Variants in PMS1 observed in about 807,000 individuals in gnomAD.
The protein encoded by PMS1 is PMS1 protein homolog 1.
Under a neutral mutation model 93.1 loss-of-function variants are expected in PMS1, and 79 were observed. The ratio of observed to expected loss-of-function variants is 0.85; its 90% CI spans 0.71 to 1.02. The LOEUF is 1.02. Among genes scored for constraint, PMS1 ranks in the 50% least tolerant of loss-of-function variants. The pLI, the probability that PMS1 is intolerant of heterozygous loss-of-function variation, is 0.00. For missense variants in PMS1, 1,064 were observed against 1,085.3 expected, an observed-to-expected ratio of 0.98 and a Z score of 0.28; for synonymous variants, 335 against 363.4, an observed-to-expected ratio of 0.92 and a Z score of 0.89.
In PMS1 at chr2:189,831,956, C is replaced by G. The variant is rs544236797; in HGVS notation, c.583-12008C>G. Among the ~76,000 whole-genome samples the G allele has an allele frequency of 3.3e-5, 5 of 152,124 alleles. No individual in the cohort carries two copies. In the South Asian group the frequency reaches 1.0e-3, roughly 32 times the overall value. On this transcript the variant is annotated intron_variant, in intron 5 of 12. Transcript: ENST00000441310. The stretch of plus-strand genomic sequence containing the variant: ...ATGTTGGCCAGGCTGGTCTCAAACT[C>G]CTGACCGCAAATGATCCTCCCGCCT...
At chr2:189,843,942 T>C in intron 5 of PMS1, 22 bp from the exon 6 acceptor site, 2 of 1,580,272 alleles carry the variant, frequency 1.3e-6, no homozygotes, top group Non-Finnish European at 8.7e-7. Context: ...TTAAAAGTTA[T>C]CTATATCATT....
intron 9 of PMS1, among the ~76,000 whole-genome samples, chr2:189,862,183 A>T (rs969638025): frequency 1.3e-5 from 2 of 152,144 alleles, no homozygotes; most frequent in African/African-American, 4.8e-5. Flanking sequence ...ACTTTTCTGT[A>T]AAAACAACAC....
chr2:189,856,222 A>G lies in PMS1; in HGVS notation c.1856+1094A>G, dbSNP rs5743140. Among the ~76,000 whole-genome samples the G allele has an allele frequency of 8.0e-3, 1,217 of 151,598 alleles. 11 individuals carry two copies. The highest frequency in any genetic ancestry group is 0.028 in the African/African-American group (1,148 of 41,344). On this transcript the variant is annotated intron_variant, in intron 9 of 12. Coordinates refer to ENST00000441310, the MANE Select transcript of PMS1 (RefSeq NM_000534.5). ...TTTGGAAATATCCACAAAAGTAGACATTTTGAAGTATAAAGCCATTACCCC... is the reference window on the plus strand; with the variant it reads ...TTTGGAAATATCCACAAAAGTAGACGTTTTGAAGTATAAAGCCATTACCCC...
chr2:189,857,394 A>G, intron 9 of PMS1: 1 of 446,786 alleles, frequency 2.2e-6, no homozygotes, highest in South Asian at 1.7e-5. Flanking sequence ...TTGCATCATG[A>G]TTAGTGAGAA....
At chr2:189,816,225 G>A (rs1164667128) in intron 4 of PMS1, among the ~76,000 whole-genome samples, 1 of 152,154 alleles carries the variant, frequency 6.6e-6, no homozygotes, top group African/African-American at 2.4e-5. Flanking sequence ...ATAGTCATTT[G>A]GTTAGAGTTT....
In PMS1 at chr2:189,842,962, T is replaced by TTATA. The variant is rs144425315; in HGVS notation, c.583-989_583-986dup. On this transcript the variant is annotated intron_variant, in intron 5 of 12. Transcript: ENST00000441310. ...CTCACATTTTGCAGATACAAAGTAT[T>TTATA]TATATATATATATATACACACACAC... Among the ~76,000 whole-genome samples, 802 of 148,772 alleles carry TTATA rather than the reference T, an allele frequency of 5.4e-3. 12 individuals are homozygous for TTATA. Among genetic ancestry groups the TTATA allele is most frequent in the African/African-American group, 0.019 (755 of 40,488 alleles).
intron 3 of PMS1, among the ~76,000 whole-genome samples, chr2:189,804,952 A>G (rs777179188): frequency 6.6e-6 from 1 of 151,680 alleles, no homozygotes; most frequent in Non-Finnish European, 1.5e-5. Context: ...TACCTACCTC[A>G]TGGGGTAAGT....
chr2:189,844,212 A>G, intron 6 of PMS1, 132 bp downstream of exon 6: 1 of 1,416,484 alleles, frequency 7.1e-7, no homozygotes, highest in Non-Finnish European at 9.6e-7. Context: ...GTAAGGTAAA[A>G]CAGTCAATAC....
chr2:189,863,087 C>T (rs1289196042), intron 9 of PMS1, among the ~76,000 whole-genome samples: 1 of 152,070 alleles, frequency 6.6e-6, no homozygotes, highest in African/African-American at 2.4e-5. Context: ...GTTAAAAGTC[C>T]TATAAATGTG....
chr2:189,844,451 C>T (rs944208931), intron 6 of PMS1, among the ~76,000 whole-genome samples: 1 of 152,096 alleles, frequency 6.6e-6, no homozygotes, highest in East Asian at 1.9e-4. Flanking sequence ...CAAGACCAGC[C>T]TGGCCAACAT....
At chr2:189,847,454 ACTGT>A (rs1391192356) in intron 6 of PMS1, among the ~76,000 whole-genome samples, 1 of 148,250 alleles carries the variant, frequency 6.7e-6, no homozygotes, top group Non-Finnish European at 1.5e-5. Flanking sequence ...TGATTTTTAA[ACTGT>A]CTATGGATTT....
chr2:189,845,757 G>A (rs919487990), intron 6 of PMS1, among the ~76,000 whole-genome samples: 2 of 151,950 alleles, frequency 1.3e-5, no homozygotes, highest in Non-Finnish European at 2.9e-5. Context: ...TTGAGATGGA[G>A]TCTCGCTTTA....
Position 189,818,086 on chromosome 2 carries a change from AAAAATGT to A in PMS1, c.492_498del (p.Cys165MetfsTer3), listed in dbSNP as rs746998919. ...AGAAAGCAGTTTTACTCAACTGCAA[AAAAATGT>A]AAAGATGAAATAAAAAAGATCCAAG... On this transcript the variant is annotated frameshift_variant, in exon 5 of 13. Coordinates refer to ENST00000441310, the MANE Select transcript of PMS1 (RefSeq NM_000534.5). LOFTEE classifies it high-confidence loss of function. The A allele has an allele frequency of 1.1e-5, 17 of 1,606,346 alleles. No homozygotes were observed. The Admixed American group carries it at 2.8e-4, about 27-fold the overall frequency.
intron 10 of PMS1, 117 bp from the exon 11 acceptor site, chr2:189,867,682 T>C: frequency 1.4e-6 from 1 of 708,304 alleles, no homozygotes; most frequent in South Asian, 1.6e-5. Flanking sequence ...TACTTATACC[T>C]TTGTATTTTG....
rs145375126 is a variant in PMS1 at position 189,854,456 on chromosome 2, A to G, written c.1184A>G (p.His395Arg). 7.4e-6 allele frequency: 12 copies of G among 1,612,686 alleles called. No individual in the cohort carries two copies. The South Asian group carries it at 8.8e-5, about 12-fold the overall frequency. ...TSVIPFQNDM[H>R]NDESGKNTDD... Reference sequence around the variant, plus strand: ...GTCATTCCATTCCAAAATGATATGCATAATGATGAATCTGGAAAAAACACT... The same window carrying G: ...GTCATTCCATTCCAAAATGATATGCGTAATGATGAATCTGGAAAAAACACT... Residue 395 changes from histidine to arginine, a missense_variant, in exon 9 of 13, where the codon CAT becomes CGT. Transcript: ENST00000441310.
intron 5 of PMS1, among the ~76,000 whole-genome samples, chr2:189,821,852 C>G (rs1171757273): frequency 6.6e-6 from 1 of 152,150 alleles, no homozygotes; most frequent in Non-Finnish European, 1.5e-5. Context: ...AAGATTATTA[C>G]TTCACGTGAT....
chr2:189,842,116 A>G (rs1001555419), intron 5 of PMS1, among the ~76,000 whole-genome samples: 1 of 151,532 alleles, frequency 6.6e-6, no homozygotes, highest in African/African-American at 2.4e-5. Context: ...CACTATCCAA[A>G]TTGGTTCCAT....
At chr2:189,797,470 GTAC>G in intron 3 of PMS1, among the ~76,000 whole-genome samples, 1 of 152,224 alleles carries the variant, frequency 6.6e-6, no homozygotes, top group African/African-American at 2.4e-5. Context: ...ACGTGACTCT[GTAC>G]TACTTTTTTT....
chr2:189,788,532 G>A (rs5742962), intron 1 of PMS1, among the ~76,000 whole-genome samples: 5,729 of 152,234 alleles, frequency 0.038, 156 homozygotes, highest in African/African-American at 0.067. Context: ...AACCAAAGTA[G>A]TGTGATTTCA....
Sources: allele counts gnomAD v4.1 joint callset (sites outside exome capture counted in the v4.1 genomes callset), GRCh38; gene constraint gnomAD v4.1.1; transcripts MANE v1.5; gene names NCBI Gene and HGNC (gene_info 2026-07-23, HGNC 2026-07-21).